The following ADAMTSL2 variants were observed in gnomAD, a reference collection of about 807,000 sequenced individuals.
The protein encoded by ADAMTSL2 is ADAMTS like 2.
In ADAMTSL2, 55 loss-of-function variants were observed where a neutral mutation model predicts 117.0. That is an observed-to-expected ratio of 0.47 (90% CI 0.38 to 0.59). The LOEUF (loss-of-function observed/expected upper bound fraction) is 0.59. Among genes scored for constraint, ADAMTSL2 ranks in the 20% least tolerant of loss-of-function variants. The pLI is 0.00. For missense variants in ADAMTSL2, 1,182 were observed against 1,354.5 expected, an observed-to-expected ratio of 0.87 and a Z score of 2.00; for synonymous variants, 572 against 566.4, an observed-to-expected ratio of 1.01 and a Z score of -0.14.
chr9:133,547,286 G>A, intron 9 of ADAMTSL2, 73 bp downstream of exon 9: 2 of 1,502,476 alleles, frequency 1.3e-6, no homozygotes, highest in Non-Finnish European at 1.8e-6. Context: ...CCACAGGTGA[G>A]GTCTTCCAGC....
rs999207079 is a variant in ADAMTSL2, at chr9:133,558,736, G to T, written c.1650-2462G>T. Among the ~76,000 whole-genome samples, 7 of 152,248 alleles carry T rather than the reference G, an allele frequency of 4.6e-5. No individual in the cohort carries two copies. The highest frequency in any genetic ancestry group is 1.3e-4 in the Admixed American group (2 of 15,282). ...GCAGCTCTGACTTTCACAGCTGAGA[G>T]GGGCAGTGACTTCCTTCCAGATGGA... On this transcript the variant is annotated intron_variant, in intron 11 of 18. Coordinates refer to ENST00000651351, the MANE Select transcript of ADAMTSL2 (RefSeq NM_014694.4). This position sits in a 1 kb window ranked among gnomAD's most constrained non-coding sequence, Gnocchi z 4.3.
chr9:133,540,228 T>C (rs1390894659), intron 5 of ADAMTSL2, among the ~76,000 whole-genome samples: 1 of 152,160 alleles, frequency 6.6e-6, no homozygotes, highest in Non-Finnish European at 1.5e-5. Context: ...AGCAAGTAGC[T>C]CAGGCAACAG....
At chr9:133,539,653 A>ACGGCTGTCTCGGCTGTCC in intron 4 of ADAMTSL2, 118 bp from the exon 5 acceptor site, 2 of 686,568 alleles carry the variant, frequency 2.9e-6, no homozygotes, top group Non-Finnish European at 5.0e-6. Flanking sequence ...TGGCCCCCGC[A>ACGGCTGTCTCGGCTGTCC]CGGCTGTCCC....
rs1830615039 is a variant in ADAMTSL2, at chr9:133,556,889, G to A, written c.1649+959G>A. On this transcript the variant is annotated intron_variant, in intron 11 of 18. Coordinates refer to ENST00000651351, the MANE Select transcript of ADAMTSL2 (RefSeq NM_014694.4). ...CCCGCCTGCCCCCAGATAGAGGGTGGCCACCCTTGCAGGTCCCCACAGTTT... is the reference window on the plus strand; with the variant it reads ...CCCGCCTGCCCCCAGATAGAGGGTGACCACCCTTGCAGGTCCCCACAGTTT... 3.9e-5 allele frequency among the ~76,000 whole-genome samples: 6 copies of A among 152,202 alleles called. No homozygotes were observed. The South Asian group carries it at 1.0e-3, about 26-fold the overall frequency.
chr9:133,551,466 G>A (rs76809978), intron 9 of ADAMTSL2, among the ~76,000 whole-genome samples: 85 of 152,296 alleles, frequency 5.6e-4, no homozygotes, highest in African/African-American at 2.0e-3. Flanking sequence ...TGCTGCTGGC[G>A]GAGCTGGTAG....
At chr9:133,545,747 C>A (rs998899634) in intron 8 of ADAMTSL2, among the ~76,000 whole-genome samples, 2 of 152,168 alleles carry the variant, frequency 1.3e-5, no homozygotes, top group African/African-American at 4.8e-5. Context: ...GGGCTCGGAG[C>A]ACTGGGAAAG....
At position 133,560,761 on chromosome 9, in the gene ADAMTSL2, G is replaced by A. The variant is rs374481171; in HGVS notation, c.1650-437G>A. On this transcript the variant is annotated intron_variant, in intron 11 of 18. Coordinates refer to ENST00000651351, the MANE Select transcript of ADAMTSL2 (RefSeq NM_014694.4). ...CCCAGCTGGAGGAGGGGGTGGGAGA[G>A]AATTCTGGAACATTCTTAGCACATA... Among the ~76,000 whole-genome samples the A allele has an allele frequency of 3.7e-4, 57 of 152,310 alleles. No individual in the cohort carries two copies. The East Asian group carries it at 0.011, about 29-fold the overall frequency.
At chr9:133,539,653 A>ACGGCTGTCCCGGCTGTAC in intron 4 of ADAMTSL2, 118 bp from the exon 5 acceptor site, 3 of 686,568 alleles carry the variant, frequency 4.4e-6, no homozygotes, top group Non-Finnish European at 7.5e-6. Flanking sequence ...TGGCCCCCGC[A>ACGGCTGTCCCGGCTGTAC]CGGCTGTCCC....
intron 5 of ADAMTSL2, 69 bp from the exon 6 acceptor site, chr9:133,540,529 A>G: frequency 6.3e-7 from 1 of 1,581,230 alleles, no homozygotes; most frequent in Non-Finnish European, 8.6e-7. Context: ...GAGGGAGGAA[A>G]AGGGAAGTCC....
At chr9:133,564,964 G>A (rs1830929473) in intron 12 of ADAMTSL2, among the ~76,000 whole-genome samples, 1 of 152,164 alleles carries the variant, frequency 6.6e-6, no homozygotes, top group Non-Finnish European at 1.5e-5. Flanking sequence ...TTTGGCCGCG[G>A]TGGGGAAGCT....
chr9:133,563,876 A>G lies in ADAMTSL2; in HGVS notation c.1747+2581A>G, dbSNP rs1171654689. Among the ~76,000 whole-genome samples, 14 of 67,854 alleles carry G rather than the reference A, an allele frequency of 2.1e-4. 1 individual carries two copies. Among genetic ancestry groups the G allele is most frequent in the African/African-American group, 4.6e-4 (7 of 15,372 alleles). The allele number at this position is 67,854 out of a possible 152,430, so 44.5% of individuals were successfully genotyped here. A position where few individuals can be genotyped will look rare whatever the true frequency, so the allele number is the denominator to read the frequency against. On this transcript the variant is annotated intron_variant, in intron 12 of 18. Coordinates refer to ENST00000651351, the MANE Select transcript of ADAMTSL2 (RefSeq NM_014694.4). ...GAGAGAGAGAGAGGGAGAGAGAGAG[A>G]GAGAGAGAGGGAGAGAGAGAGAGAA... is the stretch of plus-strand genomic sequence containing the variant.
chr9:133,541,153 G>A, intron 7 of ADAMTSL2, 152 bp downstream of exon 7: 1 of 1,249,970 alleles, frequency 8.0e-7, no homozygotes. Context: ...GGGTGAGCTG[G>A]CCTGGTGATT....
Position 133,574,933 on chromosome 9 carries a change from G to T in ADAMTSL2, c.*69G>T. 7.9e-7 allele frequency: 1 copy of T among 1,271,580 alleles called. No individual in the cohort carries two copies. The highest frequency in any genetic ancestry group is 1.7e-5 in the Admixed American group (1 of 58,696). The allele number at this position is 1,271,580 out of a possible 1,614,324, so 78.8% of individuals were successfully genotyped here. On this transcript the variant is annotated 3_prime_UTR_variant, in exon 19 of 19. Transcript: ENST00000651351. ...TCCTGGGGCTGCTGCAGCTTCTGGG[G>T]CCTCCACAGACCCCCCTCCTGCGGG... is the stretch of plus-strand genomic sequence containing the variant.
At chr9:133,545,176 C>T (rs891540895) in intron 8 of ADAMTSL2, among the ~76,000 whole-genome samples, 4 of 151,494 alleles carry the variant, frequency 2.6e-5, no homozygotes, top group South Asian at 2.1e-4. Flanking sequence ...GAGTATTGGC[C>T]GAGCAGCGTG....
At chr9:133,542,820 G>T (rs539166263) in intron 7 of ADAMTSL2, among the ~76,000 whole-genome samples, 1 of 152,318 alleles carries the variant, frequency 6.6e-6, no homozygotes, top group East Asian at 1.9e-4. Flanking sequence ...GCTGTGGGAT[G>T]GGCTGGGGTA....
At chr9:133,567,099 A>AG in intron 13 of ADAMTSL2, 37 bp downstream of exon 13, 3 of 1,578,674 alleles carry the variant, frequency 1.9e-6, no homozygotes, top group South Asian at 2.3e-5. Context: ...GGGGGTCGGC[A>AG]GGGGGCGTGA....
At chr9:133,564,657 GGAGA>G (rs1277250397) in intron 12 of ADAMTSL2, among the ~76,000 whole-genome samples, 1 of 49,042 alleles carries the variant, frequency 2.0e-5, no homozygotes, top group Non-Finnish European at 4.3e-5. Flanking sequence ...AGGGAGAGAG[GGAGA>G]GAGAGAGGGA....
At position 133,574,847 on chromosome 9, in the gene ADAMTSL2, A is replaced by C. The variant is rs1389223791; in HGVS notation, c.2839A>C (p.Arg947=). ...YYSKACCRSC[R]PPHS ...CAGCAAGGCGTGCTGCCGCTCCTGCAGGCCCCCCCACTCCTAGGCCCGGCA... is the reference window on the plus strand; with the variant it reads ...CAGCAAGGCGTGCTGCCGCTCCTGCCGGCCCCCCCACTCCTAGGCCCGGCA... Residue 947 remains arginine, a synonymous_variant, in exon 19 of 19, where the codon AGG becomes CGG. Coordinates refer to ENST00000651351, the MANE Select transcript of ADAMTSL2 (RefSeq NM_014694.4). 1 of 1,612,992 alleles carries C rather than the reference A, an allele frequency of 6.2e-7. No homozygotes were observed. Among genetic ancestry groups the C allele is most frequent in the Non-Finnish European group, 8.5e-7 (1 of 1,179,644 alleles).
intron 5 of ADAMTSL2, 69 bp downstream of exon 5, chr9:133,539,942 C>T: frequency 6.9e-7 from 1 of 1,445,288 alleles, no homozygotes; most frequent in Non-Finnish European, 9.5e-7. Flanking sequence ...CTTCCGGCAC[C>T]TGGGACCAAA....
Sources: gnomAD v4.1 joint callset for allele counts (sites outside exome capture counted in the v4.1 genomes callset) on GRCh38, gnomAD v4.1.1 for gene constraint, Gnocchi (gnomAD v3.1) non-coding constraint, MANE v1.5 for transcripts, NCBI Gene and HGNC (gene_info 2026-07-23, HGNC 2026-07-21) for gene names.